MAML3: variants seen among roughly 807,000 people sequenced by gnomAD.
MAML3 encodes mastermind like transcriptional coactivator 3, also known as mastermind-like protein 3.
Under a neutral mutation model 101.9 loss-of-function variants are expected in MAML3, and 27 were observed. The observed-to-expected ratio is 0.27, with a 90% CI of 0.20 to 0.37. MAML3 has a LOEUF of 0.37. MAML3 is among the 10% of genes least tolerant of loss of function. The pLI, the probability that MAML3 is intolerant of heterozygous loss-of-function variation, is 1.00. For missense variants in MAML3, 1,316 were observed against 1,444.9 expected (o/e 0.91, Z 1.45); for synonymous variants, 501 against 555.9 (o/e 0.90, Z 1.39).
chr4:139,898,665 G>C (rs1309909245), intron 1 of MAML3, among the ~76,000 whole-genome samples: 5 of 152,188 alleles, frequency 3.3e-5, no homozygotes, highest in African/African-American at 1.2e-4. Context: ...GGCTCAAAGA[G>C]AACATTTTGG....
chr4:139,983,353 C>A (rs1734480688), intron 1 of MAML3, among the ~76,000 whole-genome samples: 1 of 152,130 alleles, frequency 6.6e-6, no homozygotes, highest in African/African-American at 2.4e-5. Flanking sequence ...TAGAATCATA[C>A]AATATATAGC....
intron 2 of MAML3, among the ~76,000 whole-genome samples, chr4:139,818,625 G>A (rs1350902578): frequency 1.3e-5 from 2 of 152,148 alleles, no homozygotes; most frequent in East Asian, 1.9e-4. Context: ...AATGAGAGTT[G>A]GAGAAAAATT....
At position 139,775,140 on chromosome 4, in the gene MAML3, T is replaced by C. The variant is rs542649229; in HGVS notation, c.2080-44473A>G. Among the ~76,000 whole-genome samples, 3 of 152,366 alleles carry C rather than the reference T, an allele frequency of 2.0e-5. No homozygotes were observed. The East Asian group carries it at 5.8e-4, about 29-fold the overall frequency. On this transcript the variant is annotated intron_variant, in intron 2 of 4. Coordinates refer to ENST00000509479, the MANE Select transcript of MAML3 (RefSeq NM_018717.5). ...ATGGTATATGATTCTCTGGGTTTTA[T>C]ACTGCTCCTTCCTTAGCCCTCAGAA...
chr4:139,918,423 C>T (rs911351590), intron 1 of MAML3, among the ~76,000 whole-genome samples: 3 of 152,144 alleles, frequency 2.0e-5, no homozygotes, highest in South Asian at 2.1e-4. Context: ...ACGTGGAACA[C>T]GCTTATCCCA....
intron 1 of MAML3, among the ~76,000 whole-genome samples, chr4:139,936,628 T>TC (rs2110733576): frequency 6.6e-6 from 1 of 152,244 alleles, no homozygotes; most frequent in South Asian, 2.1e-4. Context: ...GGCCAGGAGT[T>TC]CAAGGCTGCA....
chr4:139,782,028 T>C (rs1358106901), intron 2 of MAML3, among the ~76,000 whole-genome samples: 1 of 152,116 alleles, frequency 6.6e-6, no homozygotes, highest in Non-Finnish European at 1.5e-5. Flanking sequence ...AGGGAACTTG[T>C]TGAGGAGTGG....
chr4:140,097,419 T>G (rs1728182213), intron 1 of MAML3, among the ~76,000 whole-genome samples: 1 of 152,118 alleles, frequency 6.6e-6, no homozygotes, highest in Non-Finnish European at 1.5e-5. Flanking sequence ...TTCGAGTTGT[T>G]ACAGTCCCAT....
At chr4:139,845,470 G>A (rs1181945985) in intron 2 of MAML3, among the ~76,000 whole-genome samples, 2 of 152,224 alleles carry the variant, frequency 1.3e-5, no homozygotes, top group African/African-American at 4.8e-5. Context: ...ATATTTTGCT[G>A]TGTAAGTTCA....
chr4:139,959,182 A>T (rs1013877459), intron 1 of MAML3, among the ~76,000 whole-genome samples: 2 of 152,346 alleles, frequency 1.3e-5, no homozygotes, highest in East Asian at 3.9e-4. Flanking sequence ...AATCTCCTAG[A>T]TGAAGAAAGG....
chr4:139,745,747 T>G (rs1729299025), intron 2 of MAML3, among the ~76,000 whole-genome samples: 1 of 152,218 alleles, frequency 6.6e-6, no homozygotes, highest in African/African-American at 2.4e-5. Context: ...AAAACTAAAT[T>G]TATTTAAATG....
intron 2 of MAML3, among the ~76,000 whole-genome samples, chr4:139,873,821 G>C (rs1732058964): frequency 2.0e-5 from 3 of 152,202 alleles, no homozygotes; most frequent in Admixed American, 2.0e-4. Context: ...GGAAGAGCCT[G>C]AGCCATAACC....
chr4:139,925,881 A>G (rs894195850), intron 1 of MAML3, among the ~76,000 whole-genome samples: 2 of 152,208 alleles, frequency 1.3e-5, no homozygotes, highest in African/African-American at 4.8e-5. Flanking sequence ...CAGTCCATTC[A>G]CCTTGGGACT....
chr4:139,873,641 T>A (rs538746408), intron 2 of MAML3, among the ~76,000 whole-genome samples: 6 of 152,340 alleles, frequency 3.9e-5, no homozygotes, highest in African/African-American at 1.2e-4. Flanking sequence ...GGAAGCCAGC[T>A]GCCATGTCAT....
intron 1 of MAML3, among the ~76,000 whole-genome samples, chr4:140,104,982 CT>C: frequency 6.6e-6 from 1 of 152,082 alleles, no homozygotes; most frequent in East Asian, 1.9e-4. Context: ...TCTCCCTAAA[CT>C]TTCTGAGTGG....
chr4:140,120,264 A>G (rs975867254), intron 1 of MAML3, among the ~76,000 whole-genome samples: 3 of 151,802 alleles, frequency 2.0e-5, no homozygotes, highest in Non-Finnish European at 4.4e-5. Flanking sequence ...AAAGCTAACC[A>G]AAGTGTGACA....
At chr4:139,864,913 T>A (rs1029613506) in intron 2 of MAML3, among the ~76,000 whole-genome samples, 16 of 109,932 alleles carry the variant, frequency 1.5e-4, no homozygotes, top group Middle Eastern at 8.3e-3. Flanking sequence ...AAAATAGTAA[T>A]GCAAACTTGC....
chr4:140,042,156 C>T (rs947156555), intron 1 of MAML3, among the ~76,000 whole-genome samples: 1 of 152,174 alleles, frequency 6.6e-6, no homozygotes, highest in African/African-American at 2.4e-5. Flanking sequence ...ACTCCCAACC[C>T]AGCACCCAGC....
At chr4:140,050,328 G>A (rs967172992) in intron 1 of MAML3, among the ~76,000 whole-genome samples, 1 of 152,184 alleles carries the variant, frequency 6.6e-6, no homozygotes, top group Non-Finnish European at 1.5e-5. Flanking sequence ...TCCTTCTTTC[G>A]TTCGTAGAGA....
At chr4:139,944,015 C>A (rs1295635546) in intron 1 of MAML3, among the ~76,000 whole-genome samples, 1 of 151,636 alleles carries the variant, frequency 6.6e-6, no homozygotes, top group Admixed American at 6.6e-5. Flanking sequence ...GGACTACAGG[C>A]GTGCGCCACC....
Sources: allele counts gnomAD v4.1 joint callset (sites outside exome capture counted in the v4.1 genomes callset), GRCh38; gene constraint gnomAD v4.1.1; transcripts MANE v1.5; gene names NCBI Gene and HGNC (gene_info 2026-07-23, HGNC 2026-07-21).